PIWIL4: variants seen among roughly 807,000 people sequenced by gnomAD.
The protein encoded by PIWIL4 is piwi like RNA-mediated gene silencing 4.
Under a neutral mutation model 100.9 loss-of-function variants are expected in PIWIL4, and 50 were observed. The ratio of observed to expected loss-of-function variants is 0.50; its 90% CI spans 0.39 to 0.63. The LOEUF (loss-of-function observed/expected upper bound fraction) is 0.63, where lower values mean the gene tolerates loss of function less well. Ranked by LOEUF, PIWIL4 falls within the 20% of genes least tolerant of loss-of-function variation. The pLI, the probability that PIWIL4 is intolerant of heterozygous loss-of-function variation, is 0.00. For synonymous variants in PIWIL4, 342 were observed against 367.5 expected, an observed-to-expected ratio of 0.93 and a Z score of 0.79; for missense variants, 887 against 1,043.3, an observed-to-expected ratio of 0.85 and a Z score of 2.06.
chr11:94,606,601 G>C (rs576012980), intron 13 of PIWIL4, among the ~76,000 whole-genome samples: 3 of 152,060 alleles, frequency 2.0e-5, no homozygotes, highest in Admixed American at 1.3e-4. Context: ...AGGCCAGGCC[G>C]GGGTGAGTGG....
At chr11:94,580,969 A>G (rs112675060) in intron 4 of PIWIL4, among the ~76,000 whole-genome samples, 35,056 of 137,360 alleles carry the variant, frequency 0.26, 4,399 homozygotes, top group East Asian at 0.31. Flanking sequence ...CATGATCTTG[A>G]TTCACTGCAA....
chr11:94,577,118 T>C (rs1948248035), intron 3 of PIWIL4, among the ~76,000 whole-genome samples, 160 bp from the exon 4 acceptor site: 1 of 152,248 alleles, frequency 6.6e-6, no homozygotes, highest in Admixed American at 6.5e-5. Flanking sequence ...AAAGGTGTTA[T>C]TAGGCTGCAA....
At chr11:94,594,456 ACT>A (rs1048163417) in intron 9 of PIWIL4, among the ~76,000 whole-genome samples, 1 of 140,994 alleles carries the variant, frequency 7.1e-6, no homozygotes, top group African/African-American at 2.9e-5. Flanking sequence ...ACAGAGCAAG[ACT>A]CTGTCTCCAA....
In PIWIL4 at chr11:94,568,714, T is replaced by C. The variant is rs773991751; in HGVS notation, c.88-16T>C. 2.5e-6 allele frequency: 4 copies of C among 1,573,554 alleles called. No homozygotes were observed. The highest frequency in any genetic ancestry group is 3.5e-6 in the Non-Finnish European group (4 of 1,143,340). ...ACCATTGTAAATCTGAACAAAACTT[T>C]TTTTTGCCATTTTAGCCTAGATCTG... On this transcript the variant is annotated splice_polypyrimidine_tract_variant and intron_variant, in intron 1 of 19. Coordinates refer to ENST00000299001, the MANE Select transcript of PIWIL4 (RefSeq NM_152431.3).
intron 15 of PIWIL4, among the ~76,000 whole-genome samples, chr11:94,613,936 T>G (rs1014746239): frequency 1.3e-5 from 2 of 151,714 alleles, no homozygotes; most frequent in African/African-American, 4.8e-5. Context: ...CTAATTTTTT[T>G]TATTTTTAGT....
chr11:94,620,574 A>T (rs112334084), intron 19 of PIWIL4, among the ~76,000 whole-genome samples: 4 of 152,148 alleles, frequency 2.6e-5, no homozygotes, highest in African/African-American at 9.7e-5. Flanking sequence ...GCCAAGCCCA[A>T]GGTTTGCACG....
chr11:94,618,580 G>C (rs1195194056), intron 17 of PIWIL4, among the ~76,000 whole-genome samples: 3 of 152,242 alleles, frequency 2.0e-5, no homozygotes, highest in Admixed American at 1.3e-4. Flanking sequence ...CTGAGCTGCA[G>C]ATGGAAATCA....
At chr11:94,577,586 C>A in intron 4 of PIWIL4, 94 bp downstream of exon 4, 7 of 972,994 alleles carry the variant, frequency 7.2e-6, no homozygotes, top group Non-Finnish European at 8.6e-6. Context: ...CAAGGAGATT[C>A]CAAAAGGTTT....
chr11:94,589,679 G>A (rs945708070), intron 8 of PIWIL4, among the ~76,000 whole-genome samples: 3 of 151,854 alleles, frequency 2.0e-5, no homozygotes, highest in Non-Finnish European at 2.9e-5. Context: ...ATTTTCACAC[G>A]TTGCTTCTTT....
intron 11 of PIWIL4, among the ~76,000 whole-genome samples, chr11:94,601,557 A>G (rs1948641838): frequency 6.6e-6 from 1 of 152,222 alleles, no homozygotes; most frequent in Admixed American, 6.5e-5. Context: ...TCATGAGGTT[A>G]AAGGGACCTC....
intron 15 of PIWIL4, among the ~76,000 whole-genome samples, chr11:94,615,098 C>T (rs1170900402): frequency 6.6e-6 from 1 of 152,148 alleles, no homozygotes; most frequent in Non-Finnish European, 1.5e-5. Flanking sequence ...AAGAAACCCA[C>T]AGGAGGGCCT....
At chr11:94,593,744 A>G in intron 9 of PIWIL4, 103 bp downstream of exon 9, 1 of 1,332,616 alleles carries the variant, frequency 7.5e-7, no homozygotes, top group Non-Finnish European at 1.0e-6. Flanking sequence ...CAGGACATCG[A>G]TTTAACCCAT....
intron 10 of PIWIL4, among the ~76,000 whole-genome samples, chr11:94,597,153 T>G (rs1189351201): frequency 6.6e-6 from 1 of 152,246 alleles, no homozygotes; most frequent in Non-Finnish European, 1.5e-5. Context: ...GTGTTATTAT[T>G]GCTGATATTA....
At position 94,593,383 on chromosome 11, in the gene PIWIL4, G is replaced by A. The variant is rs112606167; in HGVS notation, c.1027-135G>A. ...AAAGATAGGTCCTGGGAAGAAAGTAGCAATAAGTAGGTAACTATGGGATTG... is the reference window on the plus strand; with the variant it reads ...AAAGATAGGTCCTGGGAAGAAAGTAACAATAAGTAGGTAACTATGGGATTG... On this transcript the variant is annotated intron_variant, in intron 8 of 19. Coordinates refer to ENST00000299001, the MANE Select transcript of PIWIL4 (RefSeq NM_152431.3). 280 of 766,188 alleles carry A rather than the reference G, an allele frequency of 3.7e-4. 2 individuals are homozygous for A. The African/African-American group carries it at 4.5e-3, about 12-fold the overall frequency. 47.5% of individuals were successfully genotyped at this position (766,188 alleles called of 1,614,324 possible). A position where few individuals can be genotyped will look rare whatever the true frequency, so the allele number is the denominator to read the frequency against.
At chr11:94,608,330 C>A (rs1016475209) in intron 14 of PIWIL4, 10 of 375,058 alleles carry the variant, frequency 2.7e-5, no homozygotes, top group Admixed American at 1.7e-4. Flanking sequence ...TTCCCCACCC[C>A]ACAAAGGATG....
At chr11:94,586,447 A>G (rs1448852730) in intron 6 of PIWIL4, among the ~76,000 whole-genome samples, 2 of 152,110 alleles carry the variant, frequency 1.3e-5, no homozygotes, top group African/African-American at 4.8e-5. Context: ...GTGGGAAGAA[A>G]CTGTAGGCTG....
intron 3 of PIWIL4, among the ~76,000 whole-genome samples, chr11:94,576,067 C>A (rs1948231837): frequency 6.6e-6 from 1 of 152,192 alleles, no homozygotes; most frequent in East Asian, 1.9e-4. Flanking sequence ...GTATTCCTCA[C>A]CACCTTGGAG....
Position 94,590,820 on chromosome 11 carries a change from G to A in PIWIL4, c.1026+1588G>A, listed in dbSNP as rs372211857. On this transcript the variant is annotated intron_variant, in intron 8 of 19. Transcript: ENST00000299001. Reference sequence around the variant, plus strand: ...ATCTCGTGGATCCCCTCCCACTACCGTCACTCTTTATGCCCTAGCTCTCTC... The same window carrying A: ...ATCTCGTGGATCCCCTCCCACTACCATCACTCTTTATGCCCTAGCTCTCTC... Among the ~76,000 whole-genome samples, 34 of 152,078 alleles carry A rather than the reference G, an allele frequency of 2.2e-4. No individual in the cohort carries two copies. In the East Asian group the frequency reaches 4.1e-3, roughly 18 times the overall value.
chr11:94,593,712 C>G (rs947398363), intron 9 of PIWIL4, 71 bp downstream of exon 9: 32 of 1,517,444 alleles, frequency 2.1e-5, no homozygotes, highest in Non-Finnish European at 2.9e-5. Flanking sequence ...GTGGGCAGAC[C>G]CTCTTTAAGT....
Sources: allele counts gnomAD v4.1 joint callset (sites outside exome capture counted in the v4.1 genomes callset), GRCh38; gene constraint gnomAD v4.1.1; transcripts MANE v1.5; gene names NCBI Gene and HGNC (gene_info 2026-07-23, HGNC 2026-07-21).